Variants in ROBO1 observed in about 807,000 individuals in gnomAD.
ROBO1 encodes roundabout homolog 1.
A neutral mutation model predicts 195.9 loss-of-function variants in ROBO1; 149 were observed. That is an observed-to-expected ratio of 0.76 (90% CI 0.67 to 0.87). ROBO1 has a LOEUF of 0.87. ROBO1 is among the 40% of genes least tolerant of loss of function. The probability of loss-of-function intolerance (pLI) is 0.00; values close to 1 mark genes in which losing one functional copy is unlikely to be tolerated. For missense variants in ROBO1, 1,933 were observed against 2,068.3 expected (o/e 0.93, Z 1.27); for synonymous variants, 816 against 733.2 (o/e 1.11, Z -1.82).
intron 3 of ROBO1, among the ~76,000 whole-genome samples, chr3:79,073,358 A>G (rs1368543577): frequency 6.6e-6 from 1 of 151,986 alleles, no homozygotes; most frequent in Non-Finnish European, 1.5e-5. Flanking sequence ...GTAGAGGATG[A>G]GTGACAGAAG....
intron 3 of ROBO1, among the ~76,000 whole-genome samples, chr3:79,022,191 A>G (rs112027575): frequency 1.8e-4 from 28 of 152,330 alleles, no homozygotes; most frequent in Non-Finnish European, 2.9e-4. Context: ...GTGAAACTCA[A>G]TGCATCTGAG....
chr3:78,950,726 C>T (rs570882220), intron 3 of ROBO1, among the ~76,000 whole-genome samples: 2 of 151,130 alleles, frequency 1.3e-5, no homozygotes, highest in Admixed American at 1.3e-4. Flanking sequence ...ACAGTCAAAC[C>T]TGTTGACTCT....
chr3:79,740,435 G>A (rs1703592429), intron 1 of ROBO1, among the ~76,000 whole-genome samples: 1 of 151,900 alleles, frequency 6.6e-6, no homozygotes, highest in Non-Finnish European at 1.5e-5. Flanking sequence ...CTGCTATGAA[G>A]AAATACATGA....
chr3:79,033,613 A>T (rs1459531631), intron 3 of ROBO1, among the ~76,000 whole-genome samples: 1 of 152,194 alleles, frequency 6.6e-6, no homozygotes, highest in Admixed American at 6.5e-5. Context: ...AGATTTCTAA[A>T]GAATATCCTT....
chr3:79,223,911 G>A (rs2082183809), intron 2 of ROBO1, among the ~76,000 whole-genome samples: 1 of 152,068 alleles, frequency 6.6e-6, no homozygotes, highest in Non-Finnish European at 1.5e-5. Flanking sequence ...TTTTCATATA[G>A]CCAATATATT....
rs530050695 is a variant in ROBO1 at position 79,363,932 on chromosome 3, A to C, written c.88+225892T>G. 2.0e-5 allele frequency among the ~76,000 whole-genome samples: 3 copies of C among 152,278 alleles called. No homozygotes were observed. In the East Asian group the frequency reaches 5.8e-4, roughly 29 times the overall value. On this transcript the variant is annotated intron_variant, in intron 2 of 30. Coordinates refer to ENST00000464233, the MANE Select transcript of ROBO1 (RefSeq NM_002941.4). ...CGGTCCAAATCTGATGGATTAAAAT[A>C]TAATAAAGGTGCCTGTAATCCCAGC... is the stretch of plus-strand genomic sequence containing the variant.
At chr3:79,697,245 A>G (rs763165943) in intron 1 of ROBO1, among the ~76,000 whole-genome samples, 4 of 151,460 alleles carry the variant, frequency 2.6e-5, no homozygotes, top group Non-Finnish European at 5.9e-5. Flanking sequence ...GAAAGTTTGG[A>G]AGAGTCATTC....
chr3:78,656,942 C>T (rs1707068504), intron 18 of ROBO1, among the ~76,000 whole-genome samples, 156 bp downstream of exon 18: 1 of 152,086 alleles, frequency 6.6e-6, no homozygotes, highest in Non-Finnish European at 1.5e-5. Flanking sequence ...CTCTCTCCTA[C>T]ATATTAAGTA....
At position 79,007,117 on chromosome 3, in the gene ROBO1, A is replaced by C. The variant is rs540636525; in HGVS notation, c.173-68190T>G. On this transcript the variant is annotated intron_variant, in intron 3 of 30. Coordinates refer to ENST00000464233, the MANE Select transcript of ROBO1 (RefSeq NM_002941.4). ...TAACCAAGGGAAATGAATCTGTATC[A>C]AATAAGAAAAATTTAAAAAAAAGGG... is the stretch of plus-strand genomic sequence containing the variant. 5.3e-5 allele frequency among the ~76,000 whole-genome samples: 8 copies of C among 152,290 alleles called. 1 individual carries two copies. The South Asian group carries it at 1.7e-3, about 32-fold the overall frequency.
intron 1 of ROBO1, among the ~76,000 whole-genome samples, chr3:79,725,223 C>CTTTTTTT (rs35418345): frequency 4.8e-4 from 51 of 106,488 alleles, no homozygotes; most frequent in African/African-American, 6.8e-4. Flanking sequence ...CTCTCTTCTT[C>CTTTTTTT]TTTTTTTTTT....
rs558060720 is a variant in ROBO1 at position 78,850,909 on chromosome 3, C to T, written c.499+87692G>A. 2.3e-4 allele frequency among the ~76,000 whole-genome samples: 35 copies of T among 151,926 alleles called. No homozygotes were observed. The East Asian group carries it at 2.9e-3, about 13-fold the overall frequency. On this transcript the variant is annotated intron_variant, in intron 4 of 30. Coordinates refer to ENST00000464233, the MANE Select transcript of ROBO1 (RefSeq NM_002941.4). ...GCAACCTCCGCCTCCTGGGTTCAAG[C>T]GATTCTCCTGCCTCAGCCTCCTGAG...
At chr3:79,417,844 T>A (rs1017135828) in intron 2 of ROBO1, among the ~76,000 whole-genome samples, 3 of 152,092 alleles carry the variant, frequency 2.0e-5, no homozygotes, top group Admixed American at 6.6e-5. Context: ...GACATTTAGC[T>A]CCCAGGTCAC....
intron 1 of ROBO1, among the ~76,000 whole-genome samples, chr3:79,630,791 C>A (rs1230951244): frequency 6.6e-6 from 1 of 151,934 alleles, no homozygotes; most frequent in Non-Finnish European, 1.5e-5. Flanking sequence ...TTTCATGATA[C>A]AAAATCAACA....
chr3:79,500,451 T>A (rs1198320792), intron 2 of ROBO1, among the ~76,000 whole-genome samples: 1 of 152,206 alleles, frequency 6.6e-6, no homozygotes, highest in African/African-American at 2.4e-5. Context: ...TTTTAATTTG[T>A]CCTCAGTGAG....
In ROBO1 at chr3:78,657,074, A is replaced by T. The variant is rs747093230; in HGVS notation, c.2614+24T>A. 7.6e-6 allele frequency: 12 copies of T among 1,570,888 alleles called. No homozygotes were observed. In the Admixed American group the frequency reaches 2.2e-4, roughly 29 times the overall value. On this transcript the variant is annotated intron_variant, in intron 18 of 30. Transcript: ENST00000464233. ...CACATGGTAGAGTGAGAGATTGTCA[A>T]ACTGGATCTGCACTGACACTCACCC...
At chr3:79,376,638 T>A (rs907904070) in intron 2 of ROBO1, among the ~76,000 whole-genome samples, 23 of 152,244 alleles carry the variant, frequency 1.5e-4, no homozygotes, top group African/African-American at 4.6e-4. Flanking sequence ...AAGTTGTGCC[T>A]TTGCTCCTCA....
intron 3 of ROBO1, among the ~76,000 whole-genome samples, chr3:78,960,598 G>A (rs539100313): frequency 1.3e-5 from 2 of 152,024 alleles, no homozygotes; most frequent in South Asian, 4.1e-4. Flanking sequence ...GGCTAACATG[G>A]TGAAATCCCA....
chr3:79,451,065 T>C (rs1278066530), intron 2 of ROBO1, among the ~76,000 whole-genome samples: 3 of 152,072 alleles, frequency 2.0e-5, no homozygotes, highest in Non-Finnish European at 4.4e-5. Context: ...AATTCTTGTC[T>C]TTTTAGATTA....
At chr3:78,811,481 C>G (rs1221725236) in intron 4 of ROBO1, among the ~76,000 whole-genome samples, 1 of 152,138 alleles carries the variant, frequency 6.6e-6, no homozygotes, top group African/African-American at 2.4e-5. Context: ...CTACTGTGAT[C>G]TTTTGACATT....
Sources: allele counts gnomAD v4.1 joint callset (sites outside exome capture counted in the v4.1 genomes callset), GRCh38; gene constraint gnomAD v4.1.1; transcripts MANE v1.5; gene names NCBI Gene and HGNC (gene_info 2026-07-23, HGNC 2026-07-21).